PFKFB3: variants seen among roughly 807,000 people sequenced by gnomAD.
The protein encoded by PFKFB3 is 6-phosphofructo-2-kinase/fructose-2,6-bisphosphatase 3.
A neutral mutation model predicts 68.0 loss-of-function variants in PFKFB3; 33 were observed. The ratio of observed to expected loss-of-function variants is 0.49; its 90% CI spans 0.37 to 0.65. The LOEUF (loss-of-function observed/expected upper bound fraction) is 0.65. Ranked by LOEUF, PFKFB3 falls within the 30% of genes least tolerant of loss-of-function variation. The pLI is 0.00. For missense variants in PFKFB3, 586 were observed against 712.2 expected, an observed-to-expected ratio of 0.82 and a Z score of 2.02; for synonymous variants, 315 against 288.2, an observed-to-expected ratio of 1.09 and a Z score of -0.94.
chr10:6,207,547 C>T (rs1000021838), intron 1 of PFKFB3, among the ~76,000 whole-genome samples: 1 of 152,186 alleles, frequency 6.6e-6, no homozygotes, highest in African/African-American at 2.4e-5. Flanking sequence ...CCACCTTGGC[C>T]TCCCAAAGTG....
At chr10:6,287,540 A>T in the PFKFB3 span, among the ~76,000 whole-genome samples, 1 of 152,228 alleles carries the variant, frequency 6.6e-6, no homozygotes, top group Non-Finnish European at 1.5e-5. Flanking sequence ...TAGGCTGTAC[A>T]ATATAGCCTA....
At chr10:6,225,262 C>T in intron 13 of PFKFB3, 1 of 452,934 alleles carries the variant, frequency 2.2e-6, no homozygotes, top group Non-Finnish European at 4.5e-6. Flanking sequence ...ACTGTCTAGT[C>T]CCAGGAAGCT....
At chr10:6,257,283 A>T (rs188457243), downstream of PFKFB3, among the ~76,000 whole-genome samples, 18 of 152,298 alleles carry the variant, frequency 1.2e-4, no homozygotes, top group African/African-American at 4.1e-4. Context: ...TGTGACAACA[A>T]CCATTGATTA....
chr10:6,221,398 C>T lies in PFKFB3; in HGVS notation c.849C>T (p.Ser283=). 6.2e-7 allele frequency: 1 copy of T among 1,613,922 alleles called. No homozygotes were observed. Among genetic ancestry groups the T allele is most frequent in the Non-Finnish European group, 8.5e-7 (1 of 1,180,016 alleles). The change falls in exon 9 of 15, where the codon AGC becomes AGT. Residue 283 remains serine (S), a synonymous_variant. Coordinates refer to ENST00000379775, the MANE Select transcript of PFKFB3 (RefSeq NM_004566.4). ...CCTCTCAGTTTGCCAGTGCTCTGAGCAAGTTCGTGGAGGAGCAGAACCTGA... is the reference window on the plus strand; with the variant it reads ...CCTCTCAGTTTGCCAGTGCTCTGAGTAAGTTCGTGGAGGAGCAGAACCTGA... ...SRGKKFASAL[S]KFVEEQNLKD...
the PFKFB3 span, among the ~76,000 whole-genome samples, chr10:6,301,484 C>A: frequency 2.0e-5 from 3 of 152,204 alleles, no homozygotes; most frequent in Admixed American, 2.0e-4. Context: ...GTTTTTAGTG[C>A]CCCAGAGAAG....
the PFKFB3 span, among the ~76,000 whole-genome samples, chr10:6,267,725 CG>C: frequency 6.6e-6 from 1 of 151,916 alleles, no homozygotes; most frequent in Non-Finnish European, 1.5e-5. Flanking sequence ...GAGGCCGAGG[CG>C]GGCGGATCAC....
the PFKFB3 span, among the ~76,000 whole-genome samples, chr10:6,281,954 G>GC: frequency 4.0e-5 from 5 of 123,702 alleles, no homozygotes; most frequent in Non-Finnish European, 7.5e-5. Context: ...CTCAGAGCAT[G>GC]AATTTTTTTT....
rs1435447036 is a variant in PFKFB3 at position 6,231,454 on chromosome 10, C to T, written c.1516-1441C>T. On this transcript the variant is annotated intron_variant, in intron 14 of 14. Transcript: ENST00000379775. ...AAGTGCAACACCATTGTCGTGAGGT[C>T]CTTTCTAGTCTGTCTCTCACCCCCC... The T allele has an allele frequency of 2.7e-6, 4 of 1,481,920 alleles. No individual in the cohort carries two copies. The African/African-American group carries it at 4.2e-5, about 16-fold the overall frequency. 91.8% of individuals were successfully genotyped at this position (1,481,920 alleles called of 1,614,324 possible). A position where few individuals can be genotyped will look rare whatever the true frequency, so the allele number is the denominator to read the frequency against.
At chr10:6,290,520 A>G in the PFKFB3 span, among the ~76,000 whole-genome samples, 598 of 134,602 alleles carry the variant, frequency 4.4e-3, 8 homozygotes, top group African/African-American at 0.015. Context: ...TTTTTTTGAG[A>G]CAGAGTCTTG....
At chr10:6,148,948 G>A (rs1260291769) in intron 1 of PFKFB3, among the ~76,000 whole-genome samples, 3 of 152,096 alleles carry the variant, frequency 2.0e-5, no homozygotes, top group African/African-American at 4.8e-5. Context: ...GGGTGGTGGC[G>A]TGAACTTGTA....
chr10:6,148,696 A>G lies in PFKFB3; in HGVS notation c.16+3683A>G, dbSNP rs557693488. On this transcript the variant is annotated intron_variant, in intron 1 of 14. Transcript: ENST00000379789. ...AGCACTTCAGCTGGACACGGAGAGG[A>G]AAGTCATGCATATCATGACTAACTT... Among the ~76,000 whole-genome samples, 5 of 152,328 alleles carry G rather than the reference A, an allele frequency of 3.3e-5. No individual in the cohort carries two copies. In the South Asian group the frequency reaches 1.0e-3, roughly 32 times the overall value.
At chr10:6,232,729 C>A (rs191316962) in intron 14 of PFKFB3, among the ~76,000 whole-genome samples, 166 bp from the exon 15 acceptor site, 90 of 152,312 alleles carry the variant, frequency 5.9e-4, no homozygotes, top group Middle Eastern at 6.8e-3. Context: ...CCCACCTGGG[C>A]TCTCTCCCGC....
chr10:6,212,513 C>T (rs942757741), intron 1 of PFKFB3, among the ~76,000 whole-genome samples: 3 of 152,138 alleles, frequency 2.0e-5, no homozygotes, highest in African/African-American at 4.8e-5. Context: ...CTCGGCAGGG[C>T]CCCAGCATTC....
chr10:6,210,366 T>TTG (rs1564623322), intron 1 of PFKFB3, among the ~76,000 whole-genome samples: 1 of 86,296 alleles, frequency 1.2e-5, no homozygotes, highest in African/African-American at 3.2e-5. Context: ...GTTTTTTTGT[T>TTG]TTTTTTTTTT....
At chr10:6,277,343 C>T in the PFKFB3 span, among the ~76,000 whole-genome samples, 10 of 151,994 alleles carry the variant, frequency 6.6e-5, no homozygotes, top group South Asian at 1.5e-3. Context: ...CAGCGATTCT[C>T]CTGAGTAGCT....
At chr10:6,241,531 T>C (rs1846139686) in intron 14 of PFKFB3, among the ~76,000 whole-genome samples, 2 of 152,162 alleles carry the variant, frequency 1.3e-5, no homozygotes, top group South Asian at 2.1e-4. Flanking sequence ...TCTGTGGCCA[T>C]GTGTTAAAAC....
intron 3 of PFKFB3, 121 bp from the exon 4 acceptor site, chr10:6,216,004 G>T: frequency 2.1e-6 from 2 of 960,234 alleles, no homozygotes; most frequent in Admixed American, 1.7e-5. Context: ...CCTGCCCAGC[G>T]CTAAGCAGTG....
the PFKFB3 span, among the ~76,000 whole-genome samples, chr10:6,278,987 G>T: frequency 6.6e-6 from 1 of 152,238 alleles, no homozygotes; most frequent in African/African-American, 2.4e-5. Context: ...TTATAGGGCT[G>T]CGGCGAGAAT....
the PFKFB3 span, among the ~76,000 whole-genome samples, chr10:6,325,697 C>A: frequency 6.6e-6 from 1 of 152,128 alleles, no homozygotes. Context: ...CGTTAATGCT[C>A]AATTTAAAAT....
Sources: allele counts gnomAD v4.1 joint callset (sites outside exome capture counted in the v4.1 genomes callset), GRCh38; gene constraint gnomAD v4.1.1; transcripts MANE v1.5; gene names NCBI Gene and HGNC (gene_info 2026-07-23, HGNC 2026-07-21).